SPOCK3: variants seen among roughly 807,000 people sequenced by gnomAD.
SPOCK3 encodes the protein testican-3.
A neutral mutation model predicts 56.6 loss-of-function variants in SPOCK3; 30 were observed. That is an observed-to-expected ratio of 0.53 (90% CI 0.40 to 0.72). The LOEUF is 0.72. Among genes scored for constraint, SPOCK3 ranks in the 30% least tolerant of loss-of-function variants. The pLI is 0.00. For synonymous variants in SPOCK3, 196 were observed against 183.3 expected (o/e 1.07, Z -0.56); for missense variants, 527 against 530.0 (o/e 0.99, Z 0.06).
At chr4:166,864,984 A>G (rs567631772) in intron 6 of SPOCK3, among the ~76,000 whole-genome samples, 34 of 152,292 alleles carry the variant, frequency 2.2e-4, no homozygotes, top group African/African-American at 7.7e-4. Flanking sequence ...TAACAAAAAA[A>G]GAAAATTCCA....
chr4:167,069,828 C>T (rs1756508222), intron 2 of SPOCK3, among the ~76,000 whole-genome samples: 3 of 151,888 alleles, frequency 2.0e-5, no homozygotes, highest in South Asian at 4.1e-4. Context: ...TAGAGAAAAT[C>T]CTGAGGAATC....
intron 2 of SPOCK3, among the ~76,000 whole-genome samples, chr4:167,125,640 G>A (rs1171450012): frequency 1.3e-5 from 2 of 152,028 alleles, no homozygotes; most frequent in African/African-American, 2.4e-5. Flanking sequence ...GCGTGAACCC[G>A]GGAGGCGGAG....
chr4:166,947,609 A>G (rs1351231842), intron 4 of SPOCK3, among the ~76,000 whole-genome samples: 1 of 152,180 alleles, frequency 6.6e-6, no homozygotes, highest in African/African-American at 2.4e-5. Context: ...AGAAAAACGT[A>G]ACAGTTTTTC....
chr4:167,109,726 A>G (rs1760730668), intron 2 of SPOCK3, among the ~76,000 whole-genome samples: 1 of 150,740 alleles, frequency 6.6e-6, no homozygotes, highest in Admixed American at 6.7e-5. Flanking sequence ...CTCTAAAAAT[A>G]AAATAGAATG....
chr4:166,952,192 T>G (rs1402233305), intron 4 of SPOCK3, among the ~76,000 whole-genome samples: 1 of 152,150 alleles, frequency 6.6e-6, no homozygotes, highest in African/African-American at 2.4e-5. Flanking sequence ...CCCCATTGTC[T>G]CAGCCCAAAA....
chr4:166,917,510 C>G (rs1177358013), intron 4 of SPOCK3, among the ~76,000 whole-genome samples: 2 of 152,114 alleles, frequency 1.3e-5, no homozygotes, highest in Non-Finnish European at 2.9e-5. Flanking sequence ...AGTAGCTCCA[C>G]TGGAGTAAAT....
chr4:166,937,894 G>A (rs1427640023), intron 4 of SPOCK3, among the ~76,000 whole-genome samples: 2 of 148,592 alleles, frequency 1.3e-5, no homozygotes, highest in African/African-American at 4.9e-5. Context: ...CTCCCGAGTA[G>A]CTGGGACTAC....
rs533320797 is a variant in SPOCK3 at position 167,233,893 on chromosome 4, G to C, written c.189+92C>G. On this transcript the variant is annotated intron_variant, in intron 2 of 10. Transcript: ENST00000357545. Reference sequence around the variant, plus strand: ...CCCTAAACCCCTCTCCTCAGAAAACGGAGCCCACTCCCCACCCACATCCGG... The same window carrying C: ...CCCTAAACCCCTCTCCTCAGAAAACCGAGCCCACTCCCCACCCACATCCGG... The C allele has an allele frequency of 1.5e-4, 166 of 1,109,180 alleles. No individual in the cohort carries two copies. The African/African-American group carries it at 2.1e-3, about 14-fold the overall frequency. The allele number at this position is 1,109,180 out of a possible 1,614,324, so 68.7% of individuals were successfully genotyped here.
chr4:167,160,003 C>T (rs1765150259), intron 2 of SPOCK3, among the ~76,000 whole-genome samples: 2 of 152,238 alleles, frequency 1.3e-5, no homozygotes, highest in African/African-American at 4.8e-5. Flanking sequence ...CCCTCTCTCA[C>T]CACTCCTATT....
At chr4:167,048,088 G>A (rs1580118791) in intron 3 of SPOCK3, among the ~76,000 whole-genome samples, 1 of 151,822 alleles carries the variant, frequency 6.6e-6, no homozygotes, top group East Asian at 1.9e-4. Context: ...TTCCATATAT[G>A]GTTTCCTCTA....
chr4:167,079,664 C>A (rs1287648017), intron 2 of SPOCK3, among the ~76,000 whole-genome samples: 2 of 151,870 alleles, frequency 1.3e-5, no homozygotes, highest in Non-Finnish European at 2.9e-5. Flanking sequence ...ATTAATAATG[C>A]CAGTCAATTG....
chr4:167,012,297 A>G (rs1044534061), intron 3 of SPOCK3, among the ~76,000 whole-genome samples: 4 of 151,218 alleles, frequency 2.6e-5, no homozygotes, highest in African/African-American at 9.7e-5. Context: ...AACTTTCCTC[A>G]TATGAGCTGG....
intron 2 of SPOCK3, among the ~76,000 whole-genome samples, chr4:167,095,364 C>A (rs943443501): frequency 2.6e-5 from 4 of 151,894 alleles, no homozygotes; most frequent in African/African-American, 9.7e-5. Context: ...GTAATGTCAT[C>A]AAAGATAATT....
chr4:167,146,750 C>A (rs1001097537), intron 2 of SPOCK3, among the ~76,000 whole-genome samples: 2 of 152,066 alleles, frequency 1.3e-5, no homozygotes, highest in African/African-American at 4.8e-5. Context: ...AAAAGTTGTT[C>A]TTTAAAACCA....
At chr4:166,809,765 G>A (rs931925969) in intron 6 of SPOCK3, among the ~76,000 whole-genome samples, 1 of 152,078 alleles carries the variant, frequency 6.6e-6, no homozygotes, top group African/African-American at 2.4e-5. Context: ...CAATTGTGAA[G>A]CTTTGGTGTT....
intron 6 of SPOCK3, among the ~76,000 whole-genome samples, chr4:166,839,674 C>G (rs1329185304): frequency 6.6e-6 from 1 of 152,162 alleles, no homozygotes; most frequent in South Asian, 2.1e-4. Context: ...ACTGTGTCCT[C>G]AAGTTCACCC....
At chr4:166,778,404 G>T (rs888489105) in intron 7 of SPOCK3, among the ~76,000 whole-genome samples, 2 of 151,986 alleles carry the variant, frequency 1.3e-5, no homozygotes, top group Non-Finnish European at 2.9e-5. Context: ...GCAAAATCTG[G>T]GTAAATGTGC....
At chr4:167,044,557 ACTT>A (rs1476278091) in intron 3 of SPOCK3, among the ~76,000 whole-genome samples, 1 of 151,988 alleles carries the variant, frequency 6.6e-6, no homozygotes, top group African/African-American at 2.4e-5. Context: ...AATGGTATAA[ACTT>A]CTTTGTAAGC....
At chr4:167,232,348 T>TAA (rs67711117) in intron 2 of SPOCK3, among the ~76,000 whole-genome samples, 2 of 145,296 alleles carry the variant, frequency 1.4e-5, no homozygotes, top group South Asian at 4.3e-4. Context: ...TTGATTTTAT[T>TAA]AAAAAAAAAA....
Sources: allele counts gnomAD v4.1 joint callset (sites outside exome capture counted in the v4.1 genomes callset), GRCh38; gene constraint gnomAD v4.1.1; transcripts MANE v1.5; gene names NCBI Gene and HGNC (gene_info 2026-07-23, HGNC 2026-07-21).